SORCS2: variants seen among roughly 807,000 people sequenced by gnomAD.
SORCS2 encodes the protein VPS10 domain-containing receptor SorCS2.
Under a neutral mutation model 141.6 loss-of-function variants are expected in SORCS2, and 100 were observed. The ratio of observed to expected loss-of-function variants is 0.71; its 90% CI spans 0.60 to 0.83. SORCS2 has a LOEUF of 0.83. SORCS2 is among the 40% of genes least tolerant of loss of function. The pLI, the probability that SORCS2 is intolerant of heterozygous loss-of-function variation, is 0.00. For missense variants in SORCS2, 1,646 were observed against 1,560.2 expected (o/e 1.05, Z -0.93); for synonymous variants, 789 against 676.9 (o/e 1.17, Z -2.57).
intron 3 of SORCS2, among the ~76,000 whole-genome samples, chr4:7,563,201 C>T (rs1714729886): frequency 6.6e-6 from 1 of 152,084 alleles, no homozygotes; most frequent in Admixed American, 6.5e-5. Context: ...CCAGGCATGC[C>T]CAGATGTGCA....
chr4:7,723,108 C>T (rs577969158), intron 18 of SORCS2, among the ~76,000 whole-genome samples: 30 of 152,254 alleles, frequency 2.0e-4, no homozygotes, highest in African/African-American at 6.7e-4. Flanking sequence ...CTGGGTGACT[C>T]GGTGCCACGC....
At position 7,433,058 on chromosome 4, in the gene SORCS2, C is replaced by T. The variant is rs562816477; in HGVS notation, c.548+36703C>T. On this transcript the variant is annotated intron_variant, in intron 2 of 26. Transcript: ENST00000507866. The stretch of plus-strand genomic sequence containing the variant: ...CATCTCAGCCTTGGAGATGAGAGGG[C>T]AGCCTTGGCTGGGTCAGGGAGCGGG... 9 of 330,582 alleles carry T rather than the reference C, an allele frequency of 2.7e-5. No homozygotes were observed. The East Asian group carries it at 4.2e-4, about 16-fold the overall frequency. 20.5% of individuals were successfully genotyped at this position (330,582 alleles called of 1,614,324 possible). A position where few individuals can be genotyped will look rare whatever the true frequency, so the allele number is the denominator to read the frequency against.
At chr4:7,706,530 T>TGAGGCTGGGCTCCGC (rs1725474205) in intron 14 of SORCS2, among the ~76,000 whole-genome samples, 1 of 68,094 alleles carries the variant, frequency 1.5e-5, no homozygotes, top group Admixed American at 1.6e-4. Context: ...CTGGGCTCTG[T>TGAGGCTGGGCTCCGC]CTGGGCAGGG....
At chr4:7,601,977 G>T (rs187223362) in intron 3 of SORCS2, among the ~76,000 whole-genome samples, 2 of 152,176 alleles carry the variant, frequency 1.3e-5, no homozygotes, top group African/African-American at 4.8e-5. Flanking sequence ...CAGAGAGCAC[G>T]GGGTTGGGGG....
chr4:7,295,930 G>A (rs1484770719), intron 1 of SORCS2, among the ~76,000 whole-genome samples: 1 of 152,232 alleles, frequency 6.6e-6, no homozygotes. Flanking sequence ...TGGGGCTAAT[G>A]GAGAAGCCTG....
chr4:7,397,526 C>G (rs765073532), intron 2 of SORCS2, among the ~76,000 whole-genome samples: 1 of 152,092 alleles, frequency 6.6e-6, no homozygotes, highest in East Asian at 1.9e-4. Flanking sequence ...CACCAGAAAA[C>G]GGGGGGTGAG....
At chr4:7,247,235 A>G (rs939478312) in intron 1 of SORCS2, among the ~76,000 whole-genome samples, 1 of 152,112 alleles carries the variant, frequency 6.6e-6, no homozygotes, top group African/African-American at 2.4e-5. Context: ...TCAACCACCC[A>G]TGATGTGTTT....
chr4:7,369,978 C>A (rs1283894404), intron 1 of SORCS2, among the ~76,000 whole-genome samples: 1 of 152,214 alleles, frequency 6.6e-6, no homozygotes, highest in Non-Finnish European at 1.5e-5. Flanking sequence ...AGGTTATTCT[C>A]CCTCTCTGAG....
rs139556266 is a variant in SORCS2, at chr4:7,619,689, C to T, written c.649-18639C>T. ...TCCCTCTCCCAAGTCCTTAGGACAA[C>T]AACCTTCAGTGGGTTTCCCTGCCTT... is the stretch of plus-strand genomic sequence containing the variant. On this transcript the variant is annotated intron_variant, in intron 3 of 26. Coordinates refer to ENST00000507866, the MANE Select transcript of SORCS2 (RefSeq NM_020777.3). Among the ~76,000 whole-genome samples, 4 of 152,344 alleles carry T rather than the reference C, an allele frequency of 2.6e-5. No individual in the cohort carries two copies. In the East Asian group the frequency reaches 7.7e-4, roughly 29 times the overall value.
intron 1 of SORCS2, among the ~76,000 whole-genome samples, chr4:7,368,759 G>C (rs1266112441): frequency 6.6e-6 from 1 of 152,176 alleles, no homozygotes; most frequent in Non-Finnish European, 1.5e-5. Flanking sequence ...GTTTGGCTGT[G>C]TCCCCACCCA....
At chr4:7,511,454 A>ACT (rs1732641897) in intron 2 of SORCS2, among the ~76,000 whole-genome samples, 1 of 147,370 alleles carries the variant, frequency 6.8e-6, no homozygotes, top group Admixed American at 6.8e-5. Context: ...ACACACACAC[A>ACT]CACAGATACA....
chr4:7,434,644 T>G (rs56180012), intron 2 of SORCS2: 1 of 1,613,356 alleles, frequency 6.2e-7, no homozygotes, highest in South Asian at 1.1e-5. Flanking sequence ...GGCGTCAGGG[T>G]TCAGCCCATT....
chr4:7,680,677 TC>T (rs1723472325), intron 9 of SORCS2, among the ~76,000 whole-genome samples: 1 of 152,230 alleles, frequency 6.6e-6, no homozygotes, highest in South Asian at 2.1e-4. Context: ...TGTATGGCGT[TC>T]CCTAGAAACT....
At chr4:7,656,034 C>T (rs1266673107) in intron 5 of SORCS2, among the ~76,000 whole-genome samples, 1 of 152,244 alleles carries the variant, frequency 6.6e-6, no homozygotes, top group Non-Finnish European at 1.5e-5. Context: ...GGGATCTCTC[C>T]TGGAGCGTGG....
At chr4:7,412,680 C>G (rs6821852) in intron 2 of SORCS2, among the ~76,000 whole-genome samples, 20,122 of 152,072 alleles carry the variant, frequency 0.13, 2,434 homozygotes, top group African/African-American at 0.3. Context: ...CAGCCCCTCC[C>G]CACCCCTGGG....
At chr4:7,515,493 G>A (rs555574938) in intron 2 of SORCS2, among the ~76,000 whole-genome samples, 10 of 152,272 alleles carry the variant, frequency 6.6e-5, no homozygotes, top group South Asian at 2.1e-4. Flanking sequence ...CCCTCCCAGC[G>A]CCTGGCACGA....
intron 2 of SORCS2, among the ~76,000 whole-genome samples, chr4:7,479,450 T>C (rs950756571): frequency 6.6e-6 from 1 of 152,114 alleles, no homozygotes; most frequent in South Asian, 2.1e-4. Flanking sequence ...TTAGAGGTCA[T>C]CTCCCAGAAG....
chr4:7,473,602 A>T (rs888194380), intron 2 of SORCS2, among the ~76,000 whole-genome samples: 1 of 152,206 alleles, frequency 6.6e-6, no homozygotes, highest in Admixed American at 6.5e-5. Context: ...AACCCAAGAC[A>T]GAATCGGGTC....
intron 3 of SORCS2, among the ~76,000 whole-genome samples, chr4:7,601,046 T>C (rs1717632020): frequency 6.6e-6 from 1 of 152,160 alleles, no homozygotes; most frequent in Admixed American, 6.5e-5. Context: ...CCACCATGCC[T>C]GGCTAATTTT....
Sources: gnomAD v4.1 joint callset for allele counts (sites outside exome capture counted in the v4.1 genomes callset) on GRCh38, gnomAD v4.1.1 for gene constraint, MANE v1.5 for transcripts, NCBI Gene and HGNC (gene_info 2026-07-23, HGNC 2026-07-21) for gene names.